The following POGZ variants were observed in gnomAD, a reference collection of about 807,000 sequenced individuals.
POGZ encodes pogo transposable element derived with ZNF domain, also known as pogo transposable element with ZNF domain.
POGZ carries 17 observed loss-of-function variants against 134.6 expected under a neutral mutation model. That is an observed-to-expected ratio of 0.13 (90% CI 0.09 to 0.19). The LOEUF (loss-of-function observed/expected upper bound fraction) is 0.19, where lower values mean the gene tolerates loss of function less well. Among genes scored for constraint, POGZ ranks in the 10% least tolerant of loss-of-function variants. The probability of loss-of-function intolerance (pLI) is 1.00; values close to 1 mark genes in which losing one functional copy is unlikely to be tolerated. For missense variants in POGZ, 1,306 were observed against 1,769.7 expected, an observed-to-expected ratio of 0.74 and a Z score of 4.70; for synonymous variants, 693 against 657.1, an observed-to-expected ratio of 1.05 and a Z score of -0.84.
chr1:151,428,050 A>G lies in POGZ; in HGVS notation c.860-9T>C, dbSNP rs201143663. On this transcript the variant is annotated splice_polypyrimidine_tract_variant and intron_variant, in intron 6 of 18. Transcript: ENST00000271715. ...AGAGGGGAAGGAGGGAGCTACGGTG[A>G]CCAAGTGATAATCATCTGTTCTCCA... The G allele has an allele frequency of 1.2e-6, 2 of 1,614,020 alleles. No homozygotes were observed. The highest frequency in any genetic ancestry group is 2.2e-5 in the East Asian group (1 of 44,884).
At chr1:151,424,485 T>C in intron 8 of POGZ, 199 bp from the exon 9 acceptor site, 4 of 457,088 alleles carry the variant, frequency 8.8e-6, no homozygotes, top group Non-Finnish European at 1.1e-5. Flanking sequence ...GCGCTATACT[T>C]TGTATTTCTC....
At chr1:151,416,786 G>C (rs533998443) in intron 10 of POGZ, among the ~76,000 whole-genome samples, 1 of 151,204 alleles carries the variant, frequency 6.6e-6, no homozygotes, top group South Asian at 2.1e-4. Flanking sequence ...ACCACACCTG[G>C]CTAATTAAAA....
At position 151,404,620 on chromosome 1, in the gene POGZ, G is replaced by T; in HGVS notation, c.*182C>A. 7.4e-7 allele frequency: 1 copy of T among 1,357,876 alleles called. No homozygotes were observed. The highest frequency in any genetic ancestry group is 9.4e-7 in the Non-Finnish European group (1 of 1,059,790). The allele number at this position is 1,357,876 out of a possible 1,614,324, so 84.1% of individuals were successfully genotyped here. The stretch of plus-strand genomic sequence containing the variant: ...CTTGGCTCAGACGTGATTACTATTG[G>T]TTTTCCTAATTAATCCACAAATCCA... On this transcript the variant is annotated 3_prime_UTR_variant, in exon 19 of 19. Transcript: ENST00000271715.
At position 151,459,397 on chromosome 1, in the gene POGZ, T is replaced by TGGGGGGGGCCCCGAGGGAGGGGGGTG. The variant is rs1406749362; in HGVS notation, c.-248_-247insCACCCCCCTCCCTCGGGGCCCCCCCC. 5.2e-5 allele frequency: 2 copies of TGGGGGGGGCCCCGAGGGAGGGGGGTG among 38,386 alleles called. No homozygotes were observed. The highest frequency in any genetic ancestry group is 1.5e-3 in the East Asian group (2 of 1,302). 2.4% of individuals were successfully genotyped at this position (38,386 alleles called of 1,614,324 possible). A position where few individuals can be genotyped will look rare whatever the true frequency, so the allele number is the denominator to read the frequency against. On this transcript the variant is annotated 5_prime_UTR_variant, in exon 1 of 19. Coordinates refer to ENST00000271715, the MANE Select transcript of POGZ (RefSeq NM_015100.4). ...GCGGGGGGGCCCCGAGGGAGGGGGG[T>TGGGGGGGGCCCCGAGGGAGGGGGGTG]GGGGGGGCCAAGGAATGCGGCTCCG...
At position 151,403,171 on chromosome 1, in the gene POGZ, C is replaced by T. The variant is rs185917242; in HGVS notation, c.*1631G>A. 2 of 975,360 alleles carry T rather than the reference C, an allele frequency of 2.1e-6. No homozygotes were observed. The highest frequency in any genetic ancestry group is 1.8e-5 in the African/African-American group (1 of 57,064). 60.4% of individuals were successfully genotyped at this position (975,360 alleles called of 1,614,324 possible). On this transcript the variant is annotated 3_prime_UTR_variant, in exon 19 of 19. Coordinates refer to ENST00000271715, the MANE Select transcript of POGZ (RefSeq NM_015100.4). ...AAGCTGTTTCTGGAAGGGACTTTTCCAGTTCACTATATTATAGTGTGCTGG... is the reference window on the plus strand; with the variant it reads ...AAGCTGTTTCTGGAAGGGACTTTTCTAGTTCACTATATTATAGTGTGCTGG...
chr1:151,419,034 A>AG (rs1656329189), intron 10 of POGZ, among the ~76,000 whole-genome samples: 1 of 150,220 alleles, frequency 6.7e-6, no homozygotes, highest in African/African-American at 2.5e-5. Context: ...CAAAAAAAAA[A>AG]AAAAAAAAAA....
At chr1:151,413,489 GATTA>G (rs1459961539) in intron 10 of POGZ, among the ~76,000 whole-genome samples, 4 of 151,922 alleles carry the variant, frequency 2.6e-5, no homozygotes, top group Non-Finnish European at 5.9e-5. Context: ...AAAAGAGAGA[GATTA>G]TTTACATTTT....
chr1:151,412,535 T>C (rs181756579), intron 10 of POGZ, 139 bp from the exon 11 acceptor site: 34 of 593,396 alleles, frequency 5.7e-5, no homozygotes, highest in Non-Finnish European at 3.3e-5. Flanking sequence ...GTTCTTTCTT[T>C]AAATGGCTCC....
chr1:151,406,682 C>T, intron 17 of POGZ, 51 bp from the exon 18 acceptor site: 1 of 1,502,146 alleles, frequency 6.7e-7, no homozygotes, highest in Non-Finnish European at 9.2e-7. Flanking sequence ...AAAATAAGCC[C>T]TCCAAAGACA....
At chr1:151,425,677 G>C (rs1657651541) in intron 7 of POGZ, among the ~76,000 whole-genome samples, 2 of 152,132 alleles carry the variant, frequency 1.3e-5, no homozygotes, top group Non-Finnish European at 2.9e-5. Context: ...TGCAGCACAT[G>C]TTGTAGCAGA....
At chr1:151,427,019 C>T (rs184702391) in intron 7 of POGZ, 31 of 152,126 alleles carry the variant, frequency 2.0e-4, no homozygotes, top group African/African-American at 7.5e-4. Flanking sequence ...ATCCTCTCAC[C>T]TCAGACTTCT....
intron 3 of POGZ, among the ~76,000 whole-genome samples, chr1:151,432,731 T>C (rs1658898411): frequency 6.6e-6 from 1 of 152,214 alleles, no homozygotes; most frequent in Non-Finnish European, 1.5e-5. Context: ...CTAGATCATA[T>C]CATCTATAAG....
intron 3 of POGZ, among the ~76,000 whole-genome samples, chr1:151,434,848 G>T (rs888219702): frequency 1.3e-5 from 2 of 151,800 alleles, no homozygotes; most frequent in African/African-American, 4.8e-5. Flanking sequence ...ATAAATCAAA[G>T]AATTATGCAA....
rs1406104875 is a variant in POGZ, at chr1:151,405,140, G to C, written c.3895C>G (p.Gln1299Glu). The C allele has an allele frequency of 6.2e-7, 1 of 1,614,210 alleles. No individual in the cohort carries two copies. ...DTACDSDVLL[Q>E]LVLVWLGEVL... Reference sequence around the variant, plus strand: ...TCACCCAGCCAGACAAGCACCAGCTGAAGCAGGACATCAGAATCACATGCA... The same window carrying C: ...TCACCCAGCCAGACAAGCACCAGCTCAAGCAGGACATCAGAATCACATGCA... The change falls in exon 19 of 19, where the codon CAG becomes GAG. Residue 1299 changes from glutamine (Q) to glutamate (E), a missense_variant. Physicochemically the swap from Gln to Glu is conservative, Grantham distance 29. Around this residue, in one of 10 missense-constraint regions of POGZ, gnomAD observed 67 missense variants for 105.8 expected, o/e 0.63. Coordinates refer to ENST00000271715, the MANE Select transcript of POGZ (RefSeq NM_015100.4). The surrounding 1 kb of genome is among the most constrained non-coding windows in gnomAD (Gnocchi z 4.9).
At position 151,424,764 on chromosome 1, in the gene POGZ, A is replaced by ATCTATT. The variant is rs1368958111; in HGVS notation, c.1185+185_1185+190dup. ...AGAAAGTAAGATCACATATGTTCTG[A>ATCTATT]TCTATTTGAGGGTCTTTAAATGTAT... On this transcript the variant is annotated intron_variant, in intron 8 of 18. Coordinates refer to ENST00000271715, the MANE Select transcript of POGZ (RefSeq NM_015100.4). 9.2e-5 allele frequency among the ~76,000 whole-genome samples: 14 copies of ATCTATT among 152,292 alleles called. No individual in the cohort carries two copies. In the East Asian group the frequency reaches 2.7e-3, roughly 29 times the overall value.
At chr1:151,429,547 A>C in intron 5 of POGZ, 56 bp downstream of exon 5, 1 of 881,568 alleles carries the variant, frequency 1.1e-6, no homozygotes, top group Non-Finnish European at 1.9e-6. Flanking sequence ...TTAGAACAAT[A>C]AAAACAAATC....
At chr1:151,431,032 C>A (rs1290409082) in intron 3 of POGZ, among the ~76,000 whole-genome samples, 191 bp from the exon 4 acceptor site, 1 of 152,024 alleles carries the variant, frequency 6.6e-6, no homozygotes, top group Non-Finnish European at 1.5e-5. Context: ...AGTTCCTGGG[C>A]TCAGGTGATT....
rs766001063 is a variant in POGZ at position 151,428,342 on chromosome 1, G to A, written c.640C>T (p.Pro214Ser). The change falls in exon 6 of 19, where the codon CCA becomes TCA. Residue 214 changes from proline to serine, a missense_variant. Coordinates refer to ENST00000271715, the MANE Select transcript of POGZ (RefSeq NM_015100.4). Reference sequence around the variant, plus strand: ...GGCCTCACAGGCATTGTGGAGCCTGGCCTCACAGGGGTCATCTGGGAGAAC... The same window carrying A: ...GGCCTCACAGGCATTGTGGAGCCTGACCTCACAGGGGTCATCTGGGAGAAC... ...QVFSQMTPVR[P>S]GSTMPVRPTT... The A allele has an allele frequency of 2.5e-6, 4 of 1,613,942 alleles. No individual in the cohort carries two copies. The Admixed American group carries it at 5.0e-5, about 20-fold the overall frequency.
intron 5 of POGZ, among the ~76,000 whole-genome samples, chr1:151,429,166 ACTAT>A (rs1658285110): frequency 6.6e-6 from 1 of 151,664 alleles, no homozygotes; most frequent in East Asian, 1.9e-4. Flanking sequence ...AAAAAAAAAA[ACTAT>A]CTAGTCATTG....
Sources: allele counts gnomAD v4.1 joint callset (sites outside exome capture counted in the v4.1 genomes callset), GRCh38; gene constraint gnomAD v4.1.1; regional missense constraint gnomAD v4.1.1; non-coding constraint Gnocchi (gnomAD v3.1); transcripts MANE v1.5; gene names NCBI Gene and HGNC (gene_info 2026-07-23, HGNC 2026-07-21).